NLGN1: variants seen among roughly 807,000 people sequenced by gnomAD.
NLGN1 encodes the protein neuroligin 1.
NLGN1 carries 12 observed loss-of-function variants against 65.5 expected under a neutral mutation model. That is an observed-to-expected ratio of 0.18 (90% CI 0.12 to 0.30). The LOEUF (loss-of-function observed/expected upper bound fraction) is 0.30, where lower values mean the gene tolerates loss of function less well. NLGN1 is among the 10% of genes least tolerant of loss of function. The pLI is 1.00. For missense variants in NLGN1, 750 were observed against 1,007.1 expected (o/e 0.74, Z 3.46); for synonymous variants, 350 against 359.5 (o/e 0.97, Z 0.30).
intron 2 of NLGN1, among the ~76,000 whole-genome samples, chr3:173,516,548 C>G (rs1733850108): frequency 6.6e-6 from 1 of 152,044 alleles, no homozygotes; most frequent in Admixed American, 6.6e-5. Flanking sequence ...CCAGTCTCTT[C>G]TATCTTTGAC....
exon 7 of NLGN1, chr3:174,283,985 A>C (rs979973123): frequency 6.6e-6 from 1 of 151,398 alleles, no homozygotes; most frequent in Non-Finnish European, 1.5e-5. Flanking sequence ...CATTCTATTA[A>C]ATAGTATGTT....
chr3:173,515,363 T>A (rs1560368536), intron 2 of NLGN1, among the ~76,000 whole-genome samples: 1 of 152,110 alleles, frequency 6.6e-6, no homozygotes, highest in South Asian at 2.1e-4. Flanking sequence ...TATTATTGAG[T>A]CCCTTATATA....
At chr3:174,130,736 C>T (rs1299980769) in intron 4 of NLGN1, among the ~76,000 whole-genome samples, 1 of 152,028 alleles carries the variant, frequency 6.6e-6, no homozygotes, top group Non-Finnish European at 1.5e-5. Flanking sequence ...GGGAGAGTTA[C>T]ACTCATTAAT....
chr3:173,557,862 C>A (rs1425775430), intron 2 of NLGN1, among the ~76,000 whole-genome samples: 1 of 152,038 alleles, frequency 6.6e-6, no homozygotes, highest in Non-Finnish European at 1.5e-5. Context: ...TCTGTAGATT[C>A]AAATTTCTAC....
intron 4 of NLGN1, among the ~76,000 whole-genome samples, chr3:174,236,256 A>AT (rs1188988785): frequency 1.3e-5 from 2 of 152,158 alleles, no homozygotes; most frequent in Admixed American, 1.3e-4. Flanking sequence ...CGAACCTATT[A>AT]TCCAAAAAAC....
intron 2 of NLGN1, among the ~76,000 whole-genome samples, chr3:173,504,558 C>T (rs1385992078): frequency 6.6e-6 from 1 of 152,022 alleles, no homozygotes. Flanking sequence ...CTTAACCTCC[C>T]ATCTGCTATC....
intron 4 of NLGN1, among the ~76,000 whole-genome samples, chr3:174,215,996 G>C (rs1038799139): frequency 3.3e-5 from 5 of 152,072 alleles, no homozygotes; most frequent in Non-Finnish European, 5.9e-5. Flanking sequence ...ACATTCAGAG[G>C]AGGAAAATGT....
At chr3:174,115,839 A>G (rs561146965) in intron 4 of NLGN1, among the ~76,000 whole-genome samples, 11 of 152,296 alleles carry the variant, frequency 7.2e-5, no homozygotes, top group African/African-American at 2.6e-4. Flanking sequence ...TTAATGCTTT[A>G]TTTGCTCAAT....
At chr3:174,254,717 T>C (rs552635427) in intron 4 of NLGN1, among the ~76,000 whole-genome samples, 146 of 152,274 alleles carry the variant, frequency 9.6e-4, no homozygotes, top group African/African-American at 3.3e-3. Flanking sequence ...CAGTTTTTCC[T>C]TTCCTTTAGA....
chr3:174,015,579 C>A (rs1726393342), intron 4 of NLGN1, among the ~76,000 whole-genome samples: 1 of 152,172 alleles, frequency 6.6e-6, no homozygotes, highest in South Asian at 2.1e-4. Flanking sequence ...TGGGGGAACA[C>A]AATTCAGTTC....
intron 2 of NLGN1, among the ~76,000 whole-genome samples, chr3:173,490,842 T>C (rs1327087446): frequency 1.3e-5 from 2 of 152,110 alleles, no homozygotes; most frequent in African/African-American, 4.8e-5. Flanking sequence ...AGGTATTTTA[T>C]TCTCTTTGAA....
At chr3:173,618,734 GTGGA>G (rs1753527491) in intron 3 of NLGN1, among the ~76,000 whole-genome samples, 1 of 152,124 alleles carries the variant, frequency 6.6e-6, no homozygotes, top group South Asian at 2.1e-4. Context: ...GGCTTTTCTA[GTGGA>G]TGGTGGAGGC....
At chr3:173,994,489 A>AGAG (rs1200171489) in intron 4 of NLGN1, among the ~76,000 whole-genome samples, 3 of 62,466 alleles carry the variant, frequency 4.8e-5, no homozygotes, top group African/African-American at 1.5e-4. Context: ...AAAAAAAAAA[A>AGAG]AAAGAGAGAG....
chr3:173,792,356 A>G (rs1315207561), intron 3 of NLGN1, among the ~76,000 whole-genome samples: 3 of 152,152 alleles, frequency 2.0e-5, no homozygotes, highest in Admixed American at 2.0e-4. Context: ...AGGTATTTTT[A>G]TAGTCAGGTC....
intron 4 of NLGN1, among the ~76,000 whole-genome samples, chr3:174,256,534 T>C (rs1034251374): frequency 6.6e-6 from 1 of 152,102 alleles, no homozygotes; most frequent in Non-Finnish European, 1.5e-5. Flanking sequence ...CAATTTTTAT[T>C]TGGTGTGTGC....
At chr3:174,223,934 CTCA>C (rs748075493) in intron 4 of NLGN1, among the ~76,000 whole-genome samples, 3 of 152,116 alleles carry the variant, frequency 2.0e-5, no homozygotes, top group Non-Finnish European at 2.9e-5. Context: ...TCTTGTATTT[CTCA>C]TCAAGAGCCA....
At chr3:173,945,221 G>C (rs962807357) in intron 4 of NLGN1, among the ~76,000 whole-genome samples, 29 of 151,884 alleles carry the variant, frequency 1.9e-4, no homozygotes, top group African/African-American at 6.8e-4. Flanking sequence ...CCCTTTAGAG[G>C]GGGTGGTGGG....
intron 3 of NLGN1, among the ~76,000 whole-genome samples, chr3:173,663,214 G>A (rs1019771715): frequency 2.0e-5 from 3 of 151,844 alleles, no homozygotes; most frequent in Non-Finnish European, 2.9e-5. Flanking sequence ...AAAGTGTTTA[G>A]TTGTATCTTC....
intron 4 of NLGN1, among the ~76,000 whole-genome samples, chr3:174,158,486 A>C (rs1295207172): frequency 6.6e-6 from 1 of 151,576 alleles, no homozygotes; most frequent in Non-Finnish European, 1.5e-5. Context: ...AATTCCCTGG[A>C]AAGTCATTGT....
Sources: allele counts gnomAD v4.1 joint callset (sites outside exome capture counted in the v4.1 genomes callset), GRCh38; gene constraint gnomAD v4.1.1; transcripts MANE v1.5; gene names NCBI Gene and HGNC (gene_info 2026-07-23, HGNC 2026-07-21).